The following PLCG2 variants were observed in gnomAD, a reference collection of about 807,000 sequenced individuals.
The protein encoded by PLCG2 is phospholipase C gamma 2.
Under a neutral mutation model 175.6 loss-of-function variants are expected in PLCG2, and 69 were observed. The observed-to-expected ratio is 0.39, with a 90% CI of 0.32 to 0.48. PLCG2 has a LOEUF of 0.48. Among genes scored for constraint, PLCG2 ranks in the 20% least tolerant of loss-of-function variants. The pLI, the probability that PLCG2 is intolerant of heterozygous loss-of-function variation, is 0.91. For missense variants in PLCG2, 1,798 were observed against 1,650.9 expected, an observed-to-expected ratio of 1.09 and a Z score of -1.54; for synonymous variants, 827 against 624.0, an observed-to-expected ratio of 1.33 and a Z score of -4.85.
At chr16:81,801,962 T>G (rs1911739880) in intron 2 of PLCG2, among the ~76,000 whole-genome samples, 1 of 151,930 alleles carries the variant, frequency 6.6e-6, no homozygotes. Context: ...ATTACAGGCA[T>G]CAGCCATCAC....
intron 2 of PLCG2, among the ~76,000 whole-genome samples, chr16:81,848,690 T>C (rs1034263686): frequency 1.3e-5 from 2 of 152,312 alleles, no homozygotes; most frequent in South Asian, 4.2e-4. Context: ...CCCTTTCCTC[T>C]TTCCAAGAAC....
chr16:81,933,533 G>C (rs1158967153), intron 25 of PLCG2, among the ~76,000 whole-genome samples: 2 of 151,792 alleles, frequency 1.3e-5, no homozygotes, highest in South Asian at 2.1e-4. Flanking sequence ...GGCTTGAGGG[G>C]TGACAGCTGC....
intron 2 of PLCG2, among the ~76,000 whole-genome samples, chr16:81,771,408 G>T (rs1040831310): frequency 6.6e-6 from 1 of 152,176 alleles, no homozygotes; most frequent in Admixed American, 6.6e-5. Context: ...GTGAAACACA[G>T]CCTTGTTTTA....
intron 2 of PLCG2, among the ~76,000 whole-genome samples, chr16:81,797,235 T>C (rs1373287897): frequency 6.6e-6 from 1 of 152,068 alleles, no homozygotes; most frequent in Non-Finnish European, 1.5e-5. Context: ...TTGTGCTGAG[T>C]TGGGGGAGGG....
At chr16:81,881,343 AT>A (rs1908071239) in intron 8 of PLCG2, among the ~76,000 whole-genome samples, 1 of 152,224 alleles carries the variant, frequency 6.6e-6, no homozygotes, top group Admixed American at 6.5e-5. Context: ...GTTCAGGTGT[AT>A]AAACTGCTTC....
At chr16:81,878,086 A>G (rs1482292559) in intron 7 of PLCG2, among the ~76,000 whole-genome samples, 1 of 135,378 alleles carries the variant, frequency 7.4e-6, no homozygotes, top group Non-Finnish European at 1.5e-5. Flanking sequence ...GGTTCACGCC[A>G]TTCTTCTGCC....
At chr16:81,752,384 G>A (rs1164174359) in intron 1 of PLCG2, among the ~76,000 whole-genome samples, 2 of 152,194 alleles carry the variant, frequency 1.3e-5, no homozygotes, top group African/African-American at 2.4e-5. Context: ...GTGAGGGTTG[G>A]GACACGTCCT....
chr16:81,893,758 A>G lies in PLCG2; in HGVS notation c.1036A>G (p.Ile346Val). 1.2e-6 allele frequency: 2 copies of G among 1,612,682 alleles called. No individual in the cohort carries two copies. The highest frequency in any genetic ancestry group is 1.7e-6 in the Non-Finnish European group (2 of 1,179,568). The part of the protein sequence containing the change: ...LRSESSPEAY[I>V]RCLRMGCRCI... ...GAGCGAGTCGTCCCCAGAAGCTTAC[A>G]TCCGCTGCCTGCGCATGGGCTGTCG... The change falls in exon 12 of 33, where the codon ATC (isoleucine) becomes GTC (valine). Residue 346 changes from isoleucine (I) to valine (V), a missense_variant. Coordinates refer to ENST00000564138, the MANE Select transcript of PLCG2 (RefSeq NM_002661.5).
At chr16:81,868,221 C>A (rs1470708298) in intron 5 of PLCG2, among the ~76,000 whole-genome samples, 1 of 152,182 alleles carries the variant, frequency 6.6e-6, no homozygotes, top group East Asian at 1.9e-4. Flanking sequence ...ATCTGGTGAA[C>A]AATTAGGCAA....
At chr16:81,905,668 T>G (rs144987312) in intron 15 of PLCG2, among the ~76,000 whole-genome samples, 161 bp downstream of exon 15, 1 of 152,300 alleles carries the variant, frequency 6.6e-6, no homozygotes. Context: ...CTTTATTTAT[T>G]TATGTTGTGG....
chr16:81,941,373 A>G (rs1279208948), intron 30 of PLCG2, among the ~76,000 whole-genome samples: 1 of 152,172 alleles, frequency 6.6e-6, no homozygotes, highest in Non-Finnish European at 1.5e-5. Context: ...TGGACCCACC[A>G]CAGGGTGATG....
At chr16:81,791,690 G>C (rs1005272814) in intron 2 of PLCG2, among the ~76,000 whole-genome samples, 1 of 152,132 alleles carries the variant, frequency 6.6e-6, no homozygotes, top group Non-Finnish European at 1.5e-5. Context: ...TCAGCCCCCC[G>C]AGTAGCTGGG....
chr16:81,824,370 G>A (rs778139928), intron 2 of PLCG2, among the ~76,000 whole-genome samples: 4 of 152,164 alleles, frequency 2.6e-5, no homozygotes, highest in Non-Finnish European at 4.4e-5. Context: ...CTGATCTTAA[G>A]TAATCCACCC....
chr16:81,943,423 C>T (rs983984704), intron 30 of PLCG2, among the ~76,000 whole-genome samples: 7 of 152,250 alleles, frequency 4.6e-5, no homozygotes, highest in East Asian at 1.9e-4. Flanking sequence ...AACCCCATCT[C>T]GTGAGAACTC....
intron 2 of PLCG2, among the ~76,000 whole-genome samples, chr16:81,787,133 C>T (rs1230573757): frequency 6.6e-6 from 1 of 152,208 alleles, no homozygotes; most frequent in Non-Finnish European, 1.5e-5. Context: ...CTCAATGTAA[C>T]AGTTTAACTC....
chr16:81,839,635 TA>T (rs1220802110), intron 2 of PLCG2, among the ~76,000 whole-genome samples: 1 of 152,186 alleles, frequency 6.6e-6, no homozygotes, highest in Non-Finnish European at 1.5e-5. Context: ...AGGTGCCAGG[TA>T]TGTATTTTTT....
intron 2 of PLCG2, among the ~76,000 whole-genome samples, chr16:81,850,356 CA>C (rs1906342160): frequency 6.6e-6 from 1 of 152,022 alleles, no homozygotes. Flanking sequence ...ATAAATGAAA[CA>C]AACAAACAAA....
intron 18 of PLCG2, 42 bp from the exon 19 acceptor site, chr16:81,912,555 G>C: frequency 6.2e-7 from 1 of 1,607,088 alleles, no homozygotes; most frequent in East Asian, 2.2e-5. Context: ...TGACAGCCTG[G>C]AGACCGCTCA....
upstream of PLCG2, among the ~76,000 whole-genome samples, chr16:81,776,314 T>A (rs980365950): frequency 6.6e-6 from 1 of 151,650 alleles, no homozygotes; most frequent in African/African-American, 2.4e-5. Flanking sequence ...TTTCACCATG[T>A]TAAGCAGGAT....
Sources: gnomAD v4.1 joint callset for allele counts (sites outside exome capture counted in the v4.1 genomes callset) on GRCh38, gnomAD v4.1.1 for gene constraint, MANE v1.5 for transcripts, NCBI Gene and HGNC (gene_info 2026-07-23, HGNC 2026-07-21) for gene names.